USP29: variants seen among roughly 807,000 people sequenced by gnomAD.
USP29 encodes the protein ubiquitin carboxyl-terminal hydrolase 29.
For synonymous variants in USP29, 386 were observed against 387.4 expected (o/e 1.00, Z 0.04); for missense variants, 1,102 against 1,069.0 (o/e 1.03, Z -0.43).
Position 57,130,578 on chromosome 19 carries a change from T to A in USP29, c.1903T>A (p.Phe635Ile). The A allele has an allele frequency of 6.2e-7, 1 of 1,614,110 alleles. No homozygotes were observed. Among genetic ancestry groups the A allele is most frequent in the Non-Finnish European group, 8.5e-7 (1 of 1,180,014 alleles). ...TGCACTAGAGTCAGAATTGGTCCACTTTAGAGATAGGGCAATCGGTGAAAA... is the reference window on the plus strand; with the variant it reads ...TGCACTAGAGTCAGAATTGGTCCACATTAGAGATAGGGCAATCGGTGAAAA... ...GSALESELVH[F>I]RDRAIGEKEL... Residue 635 changes from phenylalanine to isoleucine, a missense_variant, in exon 4 of 4, where the codon TTT becomes ATT. By Grantham distance (21) the Phe-to-Ile change is conservative. Coordinates refer to ENST00000254181, the MANE Select transcript of USP29 (RefSeq NM_020903.3).
At chr19:57,125,114 G>A (rs1405302008) in intron 3 of USP29, among the ~76,000 whole-genome samples, 1 of 152,182 alleles carries the variant, frequency 6.6e-6, no homozygotes, top group Non-Finnish European at 1.5e-5. Flanking sequence ...CAGGAGGGTT[G>A]AGTTTCAGCC....
At chr19:57,123,246 T>C (rs1410382309) in intron 2 of USP29, among the ~76,000 whole-genome samples, 2 of 152,210 alleles carry the variant, frequency 1.3e-5, no homozygotes, top group African/African-American at 4.8e-5. Flanking sequence ...AATTAAATGG[T>C]ATTAAGGCAT....
chr19:57,121,736 T>C (rs915987164), intron 1 of USP29, among the ~76,000 whole-genome samples: 27 of 147,520 alleles, frequency 1.8e-4, no homozygotes, highest in Non-Finnish European at 3.6e-4. Context: ...TATATAATTA[T>C]ATATATATAA....
chr19:57,126,193 T>C (rs1055454198), intron 3 of USP29, among the ~76,000 whole-genome samples: 1 of 152,192 alleles, frequency 6.6e-6, no homozygotes. Context: ...TTAACATTTT[T>C]TTCCTTTGTT....
At position 57,131,395 on chromosome 19, in the gene USP29, T is replaced by C. The variant is rs751170858; in HGVS notation, c.2720T>C (p.Val907Ala). 6.2e-6 allele frequency: 10 copies of C among 1,613,762 alleles called. No individual in the cohort carries two copies. Among genetic ancestry groups the C allele is most frequent in the Non-Finnish European group, 8.5e-6 (10 of 1,179,966 alleles). ...NSRLPSTQAGVIPQGEYEGDS... is the reference protein window; with the variant it reads ...NSRLPSTQAGAIPQGEYEGDS... ...CGGCTACCTAGCACACAGGCAGGGG[T>C]GATCCCTCAGGGGGAATACGAAGGT... Residue 907 changes from valine to alanine, a missense_variant, in exon 4 of 4, where the codon GTG becomes GCG. Val to Ala is a moderately conservative substitution (Grantham distance 64, BLOSUM62 0). Coordinates refer to ENST00000254181, the MANE Select transcript of USP29 (RefSeq NM_020903.3).
At position 57,131,224 on chromosome 19, in the gene USP29, A is replaced by G. The variant is rs1181891887; in HGVS notation, c.2549A>G (p.Lys850Arg). The change falls in exon 4 of 4, where the codon AAG becomes AGG. Residue 850 changes from lysine to arginine, a missense_variant. Physicochemically the swap from Lys to Arg is conservative, Grantham distance 26. Coordinates refer to ENST00000254181, the MANE Select transcript of USP29 (RefSeq NM_020903.3). ...HYISDVYDFQ[K>R]QAWFTYNDLC... ...ATCAGCGATGTGTATGACTTTCAGA[A>G]GCAGGCCTGGTTCACATACAACGAT... 4.3e-6 allele frequency: 7 copies of G among 1,614,222 alleles called. No individual in the cohort carries two copies. In the Admixed American group the frequency reaches 1.2e-4, roughly 27 times the overall value.
chr19:57,128,493 T>C (rs2086835086), intron 3 of USP29, 167 bp from the exon 4 acceptor site: 3 of 651,524 alleles, frequency 4.6e-6, no homozygotes, highest in South Asian at 7.5e-5. Context: ...GTCTATGTCT[T>C]CTGGAGAACT....
At chr19:57,124,491 G>GTT (rs71186225) in intron 3 of USP29, among the ~76,000 whole-genome samples, 3,703 of 139,768 alleles carry the variant, frequency 0.026, 123 homozygotes, top group East Asian at 0.17. Context: ...TTTCTTTTTT[G>GTT]TTTTTTTTTT....
At chr19:57,126,941 T>C (rs1213096867) in intron 3 of USP29, among the ~76,000 whole-genome samples, 2 of 152,178 alleles carry the variant, frequency 1.3e-5, no homozygotes, top group Non-Finnish European at 2.9e-5. Context: ...ATGGGGTTAT[T>C]GTGTGGGGGT....
In USP29 at chr19:57,129,110, G is replaced by A. The variant is rs1362767244; in HGVS notation, c.435G>A (p.Lys145=). Residue 145 remains lysine, a synonymous_variant, in exon 4 of 4, where the codon AAG becomes AAA. Coordinates refer to ENST00000254181, the MANE Select transcript of USP29 (RefSeq NM_020903.3). ...TTTGTAACAAGCCAAGTTATCAGAA[G>A]ATGCCTTTGTTTATGTCAAAATCAC... ...YSICNKPSYQ[K]MPLFMSKSPT... is the part of the protein sequence containing the mutation. 9 of 1,612,520 alleles carry A rather than the reference G, an allele frequency of 5.6e-6. No homozygotes were observed. The highest frequency in any genetic ancestry group is 1.1e-5 in the South Asian group (1 of 90,438).
At position 57,131,630 on chromosome 19, in the gene USP29, C is replaced by T. The variant is rs1040499245; in HGVS notation, c.*186C>T. 5.7e-6 allele frequency: 5 copies of T among 883,070 alleles called. No individual in the cohort carries two copies. Among genetic ancestry groups the T allele is most frequent in the African/African-American group, 5.1e-5 (3 of 59,378 alleles). The allele number at this position is 883,070 out of a possible 1,614,324, so 54.7% of individuals were successfully genotyped here. A position where few individuals can be genotyped will look rare whatever the true frequency, so the allele number is the denominator to read the frequency against. On this transcript the variant is annotated 3_prime_UTR_variant, in exon 4 of 4. Coordinates refer to ENST00000254181, the MANE Select transcript of USP29 (RefSeq NM_020903.3). ...AGACACCTAGATCCCAGAACTCAGG[C>T]GCATATGCATATTTTCCCTGCAAGA...
intron 1 of USP29, among the ~76,000 whole-genome samples, chr19:57,121,356 T>TATA (rs2086794876): frequency 2.1e-5 from 3 of 145,186 alleles, no homozygotes; most frequent in African/African-American, 7.5e-5. Context: ...ATATGTTATA[T>TATA]CTACTTATGT....
chr19:57,128,187 T>C (rs1343388383), intron 3 of USP29, among the ~76,000 whole-genome samples: 1 of 152,160 alleles, frequency 6.6e-6, no homozygotes, highest in Non-Finnish European at 1.5e-5. Flanking sequence ...CGCTGGGAGC[T>C]GCAGAGCGGA....
rs950050149 is a variant in USP29 at position 57,121,719 on chromosome 19, T to TTA, written c.-267-595_-267-594dup. Among the ~76,000 whole-genome samples, 35 of 147,210 alleles carry TTA rather than the reference T, an allele frequency of 2.4e-4. 1 individual carries two copies. The Middle Eastern group carries it at 0.014, about 61-fold the overall frequency. On this transcript the variant is annotated intron_variant, in intron 1 of 3. Coordinates refer to ENST00000254181, the MANE Select transcript of USP29 (RefSeq NM_020903.3). ...CATATGTTATATATATACATATATG[T>TTA]TATATATATATAATTATATATATAT...
Position 57,130,084 on chromosome 19 carries a change from A to C in USP29, c.1409A>C (p.Gln470Pro). 1 of 1,613,520 alleles carries C rather than the reference A, an allele frequency of 6.2e-7. No individual in the cohort carries two copies. Among genetic ancestry groups the C allele is most frequent in the Non-Finnish European group, 8.5e-7 (1 of 1,179,862 alleles). The change falls in exon 4 of 4, where the codon CAG becomes CCG. Residue 470 changes from glutamine to proline, a missense_variant. By Grantham distance (76) the Gln-to-Pro change is moderately conservative. Coordinates refer to ENST00000254181, the MANE Select transcript of USP29 (RefSeq NM_020903.3). ...ACAAAACCACTTCCTTTGTCCATTC[A>C]GAATTCTTTAGATCTTTTCTTTAAA... ...QETKPLPLSI[Q>P]NSLDLFFKEE... is the part of the protein sequence containing the mutation.
chr19:57,130,036 T>C lies in USP29; in HGVS notation c.1361T>C (p.Leu454Pro). Residue 454 changes from leucine (L) to proline (P), a missense_variant, in exon 4 of 4, where the codon CTC becomes CCC. By Grantham distance (98) the Leu-to-Pro change is moderately conservative. Coordinates refer to ENST00000254181, the MANE Select transcript of USP29 (RefSeq NM_020903.3). ...CTCAAGGTAGAACCTAATAATTATC[T>C]CTCCATCAACCTGCACCAAGAAACA... ...AVLKVEPNNYLSINLHQETKP... is the reference protein window; with the variant it reads ...AVLKVEPNNYPSINLHQETKP... 1 of 1,614,038 alleles carries C rather than the reference T, an allele frequency of 6.2e-7. No homozygotes were observed. The highest frequency in any genetic ancestry group is 1.1e-5 in the South Asian group (1 of 91,044).
rs772455276 is a variant in USP29 at position 57,131,189 on chromosome 19, A to G, written c.2514A>G (p.Ser838=). The part of the protein sequence containing the change: ...VVSHIGSSPN[S]GHYISDVYDF... ...GCCATATCGGGAGCTCCCCAAATTC[A>G]GGCCATTACATCAGCGATGTGTATG... Residue 838 remains serine (S), a synonymous_variant, in exon 4 of 4, where the codon TCA becomes TCG. Transcript: ENST00000254181. 1.2e-6 allele frequency: 2 copies of G among 1,614,252 alleles called. No homozygotes were observed. The highest frequency in any genetic ancestry group is 1.7e-6 in the Non-Finnish European group (2 of 1,180,050).
chr19:57,131,925 A>G lies in USP29; in HGVS notation c.*481A>G, dbSNP rs897984747. 1.8e-5 allele frequency: 3 copies of G among 167,360 alleles called. No homozygotes were observed. Among genetic ancestry groups the G allele is most frequent in the African/African-American group, 7.2e-5 (3 of 41,488 alleles). The allele number at this position is 167,360 out of a possible 1,614,324, so 10.4% of individuals were successfully genotyped here. ...TATGTTATATAAACGATTTTCATTA[A>G]ATTTTTTGCACTCTTTTATTTTGTC... On this transcript the variant is annotated 3_prime_UTR_variant, in exon 4 of 4. Transcript: ENST00000254181.
chr19:57,125,709 CTT>C (rs1414804190), intron 3 of USP29, among the ~76,000 whole-genome samples: 1 of 151,804 alleles, frequency 6.6e-6, no homozygotes, highest in Admixed American at 6.6e-5. Flanking sequence ...GGTCTTGACT[CTT>C]TATCCAATTT....
Sources: allele counts gnomAD v4.1 joint callset (sites outside exome capture counted in the v4.1 genomes callset), GRCh38; gene constraint gnomAD v4.1.1; transcripts MANE v1.5; gene names NCBI Gene and HGNC (gene_info 2026-07-23, HGNC 2026-07-21).